Variants in ZMAT4 observed in about 807,000 individuals in gnomAD.
The protein encoded by ZMAT4 is zinc finger matrin-type protein 4.
Under a neutral mutation model 28.7 loss-of-function variants are expected in ZMAT4, and 17 were observed. The ratio of observed to expected loss-of-function variants is 0.59; its 90% confidence interval spans 0.41 to 0.89. The LOEUF (loss-of-function observed/expected upper bound fraction) is 0.89, where lower values mean the gene tolerates loss of function less well. Ranked by LOEUF, ZMAT4 falls within the 40% of genes least tolerant of loss-of-function variation. The pLI, the probability that ZMAT4 is intolerant of heterozygous loss-of-function variation, is 0.00. For missense variants in ZMAT4, 240 were observed against 283.8 expected, an observed-to-expected ratio of 0.85 and a Z score of 1.11; for synonymous variants, 117 against 109.2, an observed-to-expected ratio of 1.07 and a Z score of -0.44.
chr8:40,819,466 C>G (rs372652642), intron 2 of ZMAT4, among the ~76,000 whole-genome samples: 2 of 152,262 alleles, frequency 1.3e-5, no homozygotes, highest in South Asian at 2.1e-4. Context: ...CCAGTCTCCC[C>G]CACCTTCAGC....
chr8:40,865,220 G>A (rs148398378), intron 1 of ZMAT4, among the ~76,000 whole-genome samples: 25 of 152,210 alleles, frequency 1.6e-4, no homozygotes, highest in African/African-American at 5.5e-4. Context: ...TTATTCTCTC[G>A]CTTCGGAGTA....
At chr8:40,545,635 C>A (rs1245652715) in intron 6 of ZMAT4, among the ~76,000 whole-genome samples, 1 of 152,082 alleles carries the variant, frequency 6.6e-6, no homozygotes, top group Non-Finnish European at 1.5e-5. Context: ...GACTGGAGTT[C>A]TGCTGCCACA....
intron 1 of ZMAT4, among the ~76,000 whole-genome samples, chr8:40,868,624 C>T (rs1459958665): frequency 6.6e-6 from 1 of 152,236 alleles, no homozygotes; most frequent in East Asian, 1.9e-4. Flanking sequence ...ATTATTAAGG[C>T]AGAAGAGGGT....
At chr8:40,544,461 T>A (rs1803136366) in intron 6 of ZMAT4, among the ~76,000 whole-genome samples, 1 of 152,068 alleles carries the variant, frequency 6.6e-6, no homozygotes, top group Non-Finnish European at 1.5e-5. Flanking sequence ...TTTAAAGAGA[T>A]GAAAGGTGTG....
At chr8:40,646,419 T>C (rs917161111) in intron 5 of ZMAT4, among the ~76,000 whole-genome samples, 3 of 152,050 alleles carry the variant, frequency 2.0e-5, no homozygotes, top group Admixed American at 1.3e-4. Flanking sequence ...ATTAATATTG[T>C]ATCACTTTCC....
At chr8:40,684,253 T>C (rs1397913203) in intron 4 of ZMAT4, among the ~76,000 whole-genome samples, 1 of 152,204 alleles carries the variant, frequency 6.6e-6, no homozygotes, top group Non-Finnish European at 1.5e-5. Flanking sequence ...GAGTTATGAC[T>C]TCACGCATTG....
chr8:40,850,543 T>C (rs1471920501), intron 1 of ZMAT4, among the ~76,000 whole-genome samples: 1 of 152,168 alleles, frequency 6.6e-6, no homozygotes, highest in Admixed American at 6.5e-5. Flanking sequence ...GGGGTAGAGA[T>C]CTCTTCTATC....
intron 1 of ZMAT4, among the ~76,000 whole-genome samples, chr8:40,868,157 T>C (rs1817736501): frequency 6.6e-6 from 1 of 152,170 alleles, no homozygotes; most frequent in African/African-American, 2.4e-5. Context: ...AATGTTTTGC[T>C]CTGGTTTGCA....
intron 3 of ZMAT4, among the ~76,000 whole-genome samples, chr8:40,749,911 G>A (rs1812388161): frequency 6.6e-6 from 1 of 152,142 alleles, no homozygotes; most frequent in South Asian, 2.1e-4. Flanking sequence ...AGAATTTTCT[G>A]AAAATTATGT....
At chr8:40,548,940 A>G (rs2722459) in intron 6 of ZMAT4, among the ~76,000 whole-genome samples, 2 of 151,972 alleles carry the variant, frequency 1.3e-5, no homozygotes, top group Non-Finnish European at 2.9e-5. Context: ...AACCAATACC[A>G]TTTGCTATGG....
chr8:40,614,929 A>C (rs1034248351), intron 5 of ZMAT4, among the ~76,000 whole-genome samples: 7 of 151,882 alleles, frequency 4.6e-5, no homozygotes, highest in African/African-American at 1.7e-4. Context: ...ATTTACATTT[A>C]AGGTTAATAT....
intron 5 of ZMAT4, among the ~76,000 whole-genome samples, chr8:40,631,357 C>T (rs1438808184): frequency 6.6e-6 from 1 of 152,072 alleles, no homozygotes; most frequent in African/African-American, 2.4e-5. Context: ...GGAATTTCAC[C>T]ATGTTGGCCA....
At position 40,531,143 on chromosome 8, in the gene ZMAT4, G is replaced by A. The variant is rs534115911; in HGVS notation, c.*1080C>T. On this transcript the variant is annotated 3_prime_UTR_variant, in exon 7 of 7. Coordinates refer to ENST00000297737, the MANE Select transcript of ZMAT4 (RefSeq NM_024645.3). ...CACCAAGTCCGGTCACCATGGAAAA[G>A]AATTAAACCTAGAGAAAGAGCCTCA... 1 of 152,352 alleles carries A rather than the reference G, an allele frequency of 6.6e-6. No individual in the cohort carries two copies. Among genetic ancestry groups the A allele is most frequent in the East Asian group, 1.9e-4 (1 of 5,168 alleles). 9.4% of individuals were successfully genotyped at this position (152,352 alleles called of 1,614,324 possible).
chr8:40,889,606 C>G (rs919223861), intron 1 of ZMAT4, among the ~76,000 whole-genome samples: 2 of 152,026 alleles, frequency 1.3e-5, no homozygotes, highest in African/African-American at 2.4e-5. Context: ...CTACATACAC[C>G]TTTTGTTTTA....
intron 1 of ZMAT4, among the ~76,000 whole-genome samples, chr8:40,845,057 A>G (rs1191719081): frequency 6.6e-6 from 1 of 152,222 alleles, no homozygotes; most frequent in East Asian, 1.9e-4. Context: ...CTGGTCCACC[A>G]AAGATTCAGT....
At chr8:40,702,243 T>C (rs1469604895) in intron 3 of ZMAT4, among the ~76,000 whole-genome samples, 1 of 152,204 alleles carries the variant, frequency 6.6e-6, no homozygotes, top group Non-Finnish European at 1.5e-5. Flanking sequence ...ACAAAAAGAA[T>C]TAGGACATCA....
chr8:40,724,787 A>T (rs1189865530), intron 3 of ZMAT4, among the ~76,000 whole-genome samples: 1 of 152,156 alleles, frequency 6.6e-6, no homozygotes, highest in South Asian at 2.1e-4. Flanking sequence ...TGAGATGTGG[A>T]GATGAGAAAG....
chr8:40,813,845 G>A (rs904740659), intron 2 of ZMAT4, among the ~76,000 whole-genome samples: 7 of 152,252 alleles, frequency 4.6e-5, no homozygotes, highest in African/African-American at 1.7e-4. Context: ...CAGGCCTGTA[G>A]AGAGGCTCAG....
At chr8:40,732,123 G>A (rs1156327512) in intron 3 of ZMAT4, among the ~76,000 whole-genome samples, 1 of 152,156 alleles carries the variant, frequency 6.6e-6, no homozygotes, top group African/African-American at 2.4e-5. Context: ...CAGATGGAGA[G>A]AGTTCTAGAG....
Sources: gnomAD v4.1 joint callset for allele counts (sites outside exome capture counted in the v4.1 genomes callset) on GRCh38, gnomAD v4.1.1 for gene constraint, MANE v1.5 for transcripts, NCBI Gene and HGNC (gene_info 2026-07-23, HGNC 2026-07-21) for gene names.